The following MED13L variants were observed in gnomAD, a reference collection of about 807,000 sequenced individuals.
The protein encoded by MED13L is mediator of RNA polymerase II transcription subunit 13-like.
MED13L carries 7 observed loss-of-function variants against 220.9 expected under a neutral mutation model. The ratio of observed to expected loss-of-function variants is 0.03; its 90% confidence interval spans 0.02 to 0.06. The LOEUF is 0.06. MED13L is among the 10% of genes least tolerant of loss of function. MED13L has a pLI of 1.00. For synonymous variants in MED13L, 1,011 were observed against 1,015.2 expected (o/e 1.00, Z 0.08); for missense variants, 1,965 against 2,760.5 (o/e 0.71, Z 6.46).
intron 4 of MED13L, among the ~76,000 whole-genome samples, chr12:116,088,035 T>A (rs1477184518): frequency 6.6e-6 from 1 of 152,102 alleles, no homozygotes; most frequent in Non-Finnish European, 1.5e-5. Flanking sequence ...TATTAAAATC[T>A]GCAAAAACCT....
rs1005203740 is a variant in MED13L, at chr12:115,978,985, C to A, written c.5364+1765G>T. 3.3e-5 allele frequency among the ~76,000 whole-genome samples: 5 copies of A among 152,126 alleles called. No individual in the cohort carries two copies. The East Asian group carries it at 9.6e-4, about 29-fold the overall frequency. On this transcript the variant is annotated intron_variant, in intron 23 of 30. Coordinates refer to ENST00000281928, the MANE Select transcript of MED13L (RefSeq NM_015335.5). ...GGAGGCAGGGGCCTGTTTTGTTCAC[C>A]CCTGCATCCTTAGCACCTAATACAG... is the stretch of plus-strand genomic sequence containing the variant.
chr12:116,177,218 C>A (rs1446111420), intron 2 of MED13L, among the ~76,000 whole-genome samples: 1 of 152,088 alleles, frequency 6.6e-6, no homozygotes, highest in Non-Finnish European at 1.5e-5. Flanking sequence ...CCTCATGACC[C>A]CTCCCCAGGC....
At chr12:116,180,592 A>C (rs1397082872) in intron 2 of MED13L, among the ~76,000 whole-genome samples, 1 of 152,136 alleles carries the variant, frequency 6.6e-6, no homozygotes, top group African/African-American at 2.4e-5. Flanking sequence ...CTTAACTTGT[A>C]GTGCCACAAT....
chr12:116,033,319 T>C (rs2137508084), intron 4 of MED13L, among the ~76,000 whole-genome samples: 1 of 152,278 alleles, frequency 6.6e-6, no homozygotes, highest in East Asian at 1.9e-4. Flanking sequence ...TCATTTTAAG[T>C]GCCCTACACA....
intron 2 of MED13L, among the ~76,000 whole-genome samples, chr12:116,142,439 G>A (rs1340051275): frequency 6.6e-6 from 1 of 152,152 alleles, no homozygotes; most frequent in East Asian, 1.9e-4. Flanking sequence ...TGTAATCCTA[G>A]CATTCTGGGA....
rs59659609 is a variant in MED13L, at chr12:116,146,441, C to CT, written c.311-34930dup. On this transcript the variant is annotated intron_variant, in intron 2 of 30. Transcript: ENST00000281928. ...AGCTGAGTTTGTTTTTTGTTTTTTC[C>CT]TTTTTTTTTTTTAAAGCTCATCAGT... Among the ~76,000 whole-genome samples the CT allele has an allele frequency of 3.0e-3, 429 of 145,094 alleles. 2 individuals carry two copies. The highest frequency in any genetic ancestry group is 7.9e-3 in the African/African-American group (314 of 39,814).
intron 1 of MED13L, among the ~76,000 whole-genome samples, chr12:116,252,805 A>T (rs76700708): frequency 0.06 from 9,062 of 151,780 alleles, 356 homozygotes; most frequent in African/African-American, 0.095. Context: ...CAATATCAGG[A>T]AAAAAAAGGG....
At chr12:116,054,978 G>A (rs1868828386) in intron 4 of MED13L, among the ~76,000 whole-genome samples, 1 of 152,086 alleles carries the variant, frequency 6.6e-6, no homozygotes, top group South Asian at 2.1e-4. Flanking sequence ...TAACATGCAA[G>A]GGATTAAATA....
intron 1 of MED13L, among the ~76,000 whole-genome samples, chr12:116,267,869 T>G (rs770085514): frequency 1.6e-4 from 24 of 152,212 alleles, no homozygotes; most frequent in Admixed American, 3.9e-4. Context: ...AGTAAGAACA[T>G]GTCTCATGAT....
chr12:116,088,114 T>C (rs1457315385), intron 4 of MED13L, among the ~76,000 whole-genome samples: 1 of 152,124 alleles, frequency 6.6e-6, no homozygotes, highest in East Asian at 1.9e-4. Context: ...GAAATGGCAC[T>C]GAATCAATCA....
intron 4 of MED13L, among the ~76,000 whole-genome samples, chr12:116,089,286 G>A (rs2137780016): frequency 6.6e-6 from 1 of 152,218 alleles, no homozygotes; most frequent in Non-Finnish European, 1.5e-5. Flanking sequence ...CTGAACTCCT[G>A]GGCTCAAGCA....
At chr12:116,198,900 T>C (rs370667192) in intron 2 of MED13L, among the ~76,000 whole-genome samples, 20 of 152,304 alleles carry the variant, frequency 1.3e-4, no homozygotes, top group Admixed American at 6.5e-4. Flanking sequence ...ACCTAAGTCA[T>C]TAAGTCTTAG....
At chr12:116,217,992 A>G (rs968258963) in intron 2 of MED13L, among the ~76,000 whole-genome samples, 8 of 152,208 alleles carry the variant, frequency 5.3e-5, no homozygotes, top group African/African-American at 1.4e-4. Flanking sequence ...CCCAGCACAC[A>G]ACATAGTCGT....
At chr12:115,985,991 T>C (rs1347941890) in intron 19 of MED13L, among the ~76,000 whole-genome samples, 2 of 152,206 alleles carry the variant, frequency 1.3e-5, no homozygotes, top group African/African-American at 4.8e-5. Context: ...CTTCAACTTT[T>C]AGCACATAAA....
Position 116,030,190 on chromosome 12 carries a change from T to C in MED13L, c.480-7589A>G, listed in dbSNP as rs192903742. 7.2e-5 allele frequency among the ~76,000 whole-genome samples: 11 copies of C among 152,242 alleles called. No individual in the cohort carries two copies. In the East Asian group the frequency reaches 2.1e-3, roughly 29 times the overall value. ...ACCATTTTGGCTAGGTGGTCTCAAA[T>C]TTCCGACCTCAGGTGATCCACCCAC... On this transcript the variant is annotated intron_variant, in intron 4 of 30. Transcript: ENST00000281928.
At chr12:116,052,974 G>A (rs978522894) in intron 4 of MED13L, among the ~76,000 whole-genome samples, 3 of 152,096 alleles carry the variant, frequency 2.0e-5, no homozygotes, top group Non-Finnish European at 2.9e-5. Context: ...CATCATTAAC[G>A]TCTTAAAAAG....
At chr12:116,091,196 T>C (rs1872177162) in intron 4 of MED13L, among the ~76,000 whole-genome samples, 1 of 150,614 alleles carries the variant, frequency 6.6e-6, no homozygotes, top group African/African-American at 2.4e-5. Flanking sequence ...AAAAACAAGG[T>C]ATCTCTTTTA....
intron 28 of MED13L, among the ~76,000 whole-genome samples, chr12:115,966,982 G>A (rs1237626900): frequency 6.6e-6 from 1 of 151,818 alleles, no homozygotes; most frequent in East Asian, 1.9e-4. Context: ...GACCTGCCTG[G>A]CGAACATGGT....
intron 2 of MED13L, among the ~76,000 whole-genome samples, chr12:116,217,924 A>C (rs1883098137): frequency 6.6e-6 from 1 of 152,220 alleles, no homozygotes; most frequent in South Asian, 2.1e-4. Flanking sequence ...AAGTTTCTGG[A>C]AAAAATGAGC....
Sources: gnomAD v4.1 joint callset for allele counts (sites outside exome capture counted in the v4.1 genomes callset) on GRCh38, gnomAD v4.1.1 for gene constraint, MANE v1.5 for transcripts, NCBI Gene and HGNC (gene_info 2026-07-23, HGNC 2026-07-21) for gene names.